The following MSI2 variants were observed in gnomAD, a reference collection of about 807,000 sequenced individuals.
MSI2 encodes the protein musashi RNA binding protein 2.
In MSI2, 17 loss-of-function variants were observed where a neutral mutation model predicts 45.6. The ratio of observed to expected loss-of-function variants is 0.37; its 90% CI spans 0.26 to 0.56. The LOEUF is 0.56. Ranked by LOEUF, MSI2 falls within the 20% of genes least tolerant of loss-of-function variation. MSI2 has a pLI of 0.77. For synonymous variants in MSI2, 156 were observed against 158.2 expected, an observed-to-expected ratio of 0.99 and a Z score of 0.11; for missense variants, 293 against 444.2, an observed-to-expected ratio of 0.66 and a Z score of 3.06.
At chr17:57,287,621 C>G (rs1339469707) in intron 5 of MSI2, among the ~76,000 whole-genome samples, 1 of 152,276 alleles carries the variant, frequency 6.6e-6, no homozygotes, top group East Asian at 1.9e-4. Flanking sequence ...AGGGAAGAGG[C>G]CTGTGGTGCT....
chr17:57,672,260 G>A (rs1429276250), intron 11 of MSI2, among the ~76,000 whole-genome samples: 2 of 152,200 alleles, frequency 1.3e-5, no homozygotes, highest in Admixed American at 6.5e-5. Context: ...ATTTGATGGA[G>A]GAGGACTGAG....
chr17:57,645,965 C>T (rs557142814), intron 10 of MSI2, among the ~76,000 whole-genome samples: 19 of 152,314 alleles, frequency 1.2e-4, no homozygotes, highest in African/African-American at 3.9e-4. Flanking sequence ...AATGTGCCCC[C>T]ACTGGGGTGG....
chr17:57,518,706 G>A (rs1037922314), intron 6 of MSI2, among the ~76,000 whole-genome samples: 1 of 152,056 alleles, frequency 6.6e-6, no homozygotes, highest in Admixed American at 6.5e-5. Context: ...GGCTGGAGAG[G>A]GGGAGAAGGG....
rs150832248 is a variant in MSI2, at chr17:57,283,843, C to T, written c.312+21651C>T. Among the ~76,000 whole-genome samples the T allele has an allele frequency of 3.0e-3, 454 of 152,332 alleles. 3 individuals carry two copies. The highest frequency in any genetic ancestry group is 5.8e-3 in the Admixed American group (89 of 15,300). ...GCCGGGTCCAGGGGAATGTGTGTCCCAGGCTTGGAGCAGAGGGTGGCAGGT... is the reference window on the plus strand; with the variant it reads ...GCCGGGTCCAGGGGAATGTGTGTCCTAGGCTTGGAGCAGAGGGTGGCAGGT... On this transcript the variant is annotated intron_variant, in intron 5 of 13. Transcript: ENST00000284073.
chr17:57,555,097 A>C (rs1241569316), intron 7 of MSI2, among the ~76,000 whole-genome samples: 1 of 152,192 alleles, frequency 6.6e-6, no homozygotes, highest in Non-Finnish European at 1.5e-5. Context: ...CTAAGATCCC[A>C]GGCTGCCCCA....
chr17:57,444,952 C>T (rs535242618), intron 6 of MSI2, among the ~76,000 whole-genome samples: 1 of 152,298 alleles, frequency 6.6e-6, no homozygotes, highest in African/African-American at 2.4e-5. Context: ...CATCTCAGCT[C>T]CTGGCATTCA....
chr17:57,655,966 G>A (rs1205275071), intron 11 of MSI2, among the ~76,000 whole-genome samples: 2 of 152,134 alleles, frequency 1.3e-5, no homozygotes, highest in African/African-American at 2.4e-5. Context: ...TCCCCTGCCT[G>A]TTCTTAGATT....
intron 5 of MSI2, among the ~76,000 whole-genome samples, chr17:57,380,724 G>A (rs2083584421): frequency 6.6e-6 from 1 of 152,194 alleles, no homozygotes. Context: ...GAGCACCTGG[G>A]TGCTTTGAAT....
At chr17:57,479,654 C>G (rs1216009355) in intron 6 of MSI2, among the ~76,000 whole-genome samples, 1 of 152,146 alleles carries the variant, frequency 6.6e-6, no homozygotes, top group East Asian at 1.9e-4. Context: ...GTGAAAGACT[C>G]AGACACATCT....
intron 8 of MSI2, among the ~76,000 whole-genome samples, chr17:57,613,585 T>C (rs970373260): frequency 4.6e-5 from 7 of 152,240 alleles, no homozygotes; most frequent in Admixed American, 3.9e-4. Flanking sequence ...TAGTGTCTGG[T>C]TGCCCTCCAG....
At position 57,280,638 on chromosome 17, in the gene MSI2, G is replaced by A. The variant is rs1191564369; in HGVS notation, c.312+18446G>A. On this transcript the variant is annotated intron_variant, in intron 5 of 13. Transcript: ENST00000284073. The surrounding 1 kb of genome is among the most constrained non-coding windows in gnomAD (Gnocchi z 4.2). ...AGGGCAGGTGTGCCTGGCTCAGGGGGTTGAGTGTAACCCCTTGGCTGGCAA... is the reference window on the plus strand; with the variant it reads ...AGGGCAGGTGTGCCTGGCTCAGGGGATTGAGTGTAACCCCTTGGCTGGCAA... 6.6e-6 allele frequency among the ~76,000 whole-genome samples: 1 copy of A among 152,292 alleles called. No homozygotes were observed. Among genetic ancestry groups the A allele is most frequent in the Admixed American group, 6.5e-5 (1 of 15,294 alleles).
chr17:57,630,021 C>A (rs1399164135), intron 10 of MSI2: 1 of 152,362 alleles, frequency 6.6e-6, no homozygotes, highest in Non-Finnish European at 1.5e-5. Flanking sequence ...CATGAGCTGG[C>A]TCAGGAGACA....
At chr17:57,694,749 G>C in the MSI2 span, among the ~76,000 whole-genome samples, 1 of 152,134 alleles carries the variant, frequency 6.6e-6, no homozygotes, top group East Asian at 1.9e-4. Flanking sequence ...TAGAATCCCT[G>C]GCCCCTTTTT....
At chr17:57,698,289 G>A in the MSI2 span, among the ~76,000 whole-genome samples, 1 of 152,206 alleles carries the variant, frequency 6.6e-6, no homozygotes, top group East Asian at 1.9e-4. Flanking sequence ...AAAGAAGGCT[G>A]ACATGTCCCA....
intron 6 of MSI2, among the ~76,000 whole-genome samples, chr17:57,494,162 CAG>C (rs1837088765): frequency 6.6e-6 from 1 of 152,234 alleles, no homozygotes; most frequent in South Asian, 2.1e-4. Context: ...GGTTCAACAA[CAG>C]AGTCATAATT....
At chr17:57,362,961 C>CA (rs1365172756) in intron 5 of MSI2, among the ~76,000 whole-genome samples, 6 of 152,148 alleles carry the variant, frequency 3.9e-5, no homozygotes, top group African/African-American at 1.4e-4. Flanking sequence ...GGTAGTTTCT[C>CA]AAAAAATTAA....
intron 6 of MSI2, among the ~76,000 whole-genome samples, chr17:57,458,352 G>C (rs561673091): frequency 1.6e-4 from 25 of 152,208 alleles, no homozygotes; most frequent in African/African-American, 6.0e-4. Flanking sequence ...CACCCGCCTT[G>C]GCCTCCCAAA....
intron 6 of MSI2, among the ~76,000 whole-genome samples, chr17:57,439,428 C>T (rs193191747): frequency 1.3e-5 from 2 of 152,260 alleles, no homozygotes; most frequent in Admixed American, 1.3e-4. Flanking sequence ...TAGATATTTG[C>T]GGGCAGAGAG....
intron 6 of MSI2, among the ~76,000 whole-genome samples, chr17:57,404,117 A>ATTTAATTTTT (rs2084042325): frequency 1.3e-5 from 2 of 152,090 alleles, no homozygotes; most frequent in Non-Finnish European, 2.9e-5. Flanking sequence ...CCATTTACTC[A>ATTTAATTTTT]CATTATCTCA....
Sources: gnomAD v4.1 joint callset for allele counts (sites outside exome capture counted in the v4.1 genomes callset) on GRCh38, gnomAD v4.1.1 for gene constraint, Gnocchi (gnomAD v3.1) non-coding constraint, MANE v1.5 for transcripts, NCBI Gene and HGNC (gene_info 2026-07-23, HGNC 2026-07-21) for gene names.